Variants in PTGR1 observed in about 807,000 individuals in gnomAD.
PTGR1 encodes prostaglandin reductase 1, also known as 15-oxoprostaglandin 13-reductase.
PTGR1 carries 23 observed loss-of-function variants against 37.7 expected under a neutral mutation model. The ratio of observed to expected loss-of-function variants is 0.61; its 90% CI spans 0.44 to 0.86. The LOEUF is 0.86. Among genes scored for constraint, PTGR1 ranks in the 40% least tolerant of loss-of-function variants. The pLI, the probability that PTGR1 is intolerant of heterozygous loss-of-function variation, is 0.00. For synonymous variants in PTGR1, 134 were observed against 140.0 expected (o/e 0.96, Z 0.30); for missense variants, 351 against 394.3 (o/e 0.89, Z 0.93).
chr9:111,592,986 CAAAAAAAAAAAAAAAAA>C lies in PTGR1; in HGVS notation c.153-21_153-5del, dbSNP rs58142522. ...CTTCAATCTTTTGGCTGCCACTCTGCAAAAAAAAAAAAAAAAAAAAAAAAAAAAAAATAGGTAAATAA... is the reference window on the plus strand; with the variant it reads ...CTTCAATCTTTTGGCTGCCACTCTGCAAAAAAAAAAAAAATAGGTAAATAA... On this transcript the variant is annotated splice_polypyrimidine_tract_variant and splice_region_variant and intron_variant, in intron 3 of 9. Coordinates refer to ENST00000407693, the MANE Select transcript of PTGR1 (RefSeq NM_001146108.2). 121 of 961,060 alleles carry C rather than the reference CAAAAAAAAAAAAAAAAA, an allele frequency of 1.3e-4. No individual in the cohort carries two copies. Among genetic ancestry groups the C allele is most frequent in the South Asian group, 1.4e-4 (6 of 42,580 alleles). The allele number at this position is 961,060 out of a possible 1,614,324, so 59.5% of individuals were successfully genotyped here. A position where few individuals can be genotyped will look rare whatever the true frequency, so the allele number is the denominator to read the frequency against.
At chr9:111,594,493 A>G (rs1368115581) in intron 2 of PTGR1, among the ~76,000 whole-genome samples, 1 of 151,836 alleles carries the variant, frequency 6.6e-6, no homozygotes, top group Non-Finnish European at 1.5e-5. Context: ...TAAAACTAAC[A>G]TAAATGTTGA....
rs919124098 is a variant in PTGR1 at position 111,566,849 on chromosome 9, T to C, written c.879+3242A>G. Among the ~76,000 whole-genome samples the C allele has an allele frequency of 2.0e-5, 3 of 152,068 alleles. No individual in the cohort carries two copies. The South Asian group carries it at 6.2e-4, about 31-fold the overall frequency. ...AATAAGTAAATTATAGTATATATTA[T>C]GTTAAAAGATGATTAATTGCTATGG... On this transcript the variant is annotated intron_variant, in intron 9 of 9. Transcript: ENST00000407693.
At chr9:111,589,690 T>C (rs1413156428) in intron 4 of PTGR1, among the ~76,000 whole-genome samples, 1 of 151,872 alleles carries the variant, frequency 6.6e-6, no homozygotes, top group East Asian at 1.9e-4. Flanking sequence ...AAAGCTGGAG[T>C]GCAATGGCGC....
chr9:111,557,966 G>T (rs762580674), downstream of PTGR1, among the ~76,000 whole-genome samples: 2 of 152,158 alleles, frequency 1.3e-5, no homozygotes, highest in African/African-American at 4.8e-5. Context: ...GGCCAAAATA[G>T]TGAAACTCTG....
At chr9:111,585,909 T>C in intron 5 of PTGR1, 89 bp downstream of exon 5, 3 of 1,469,050 alleles carry the variant, frequency 2.0e-6, no homozygotes, top group Non-Finnish European at 2.8e-6. Context: ...GCATCAAATA[T>C]CTTCCTGTTG....
chr9:111,560,296 C>T (rs1828235493), downstream of PTGR1, among the ~76,000 whole-genome samples: 2 of 151,252 alleles, frequency 1.3e-5, no homozygotes, highest in African/African-American at 4.9e-5. Context: ...CTGGCCAACA[C>T]AGGGCGTCTC....
In PTGR1 at chr9:111,563,154, T is replaced by C. The variant is rs779539678; in HGVS notation, c.957A>G (p.Gly319=). 1 of 1,614,044 alleles carries C rather than the reference T, an allele frequency of 6.2e-7. No homozygotes were observed. The highest frequency in any genetic ancestry group is 8.5e-7 in the Non-Finnish European group (1 of 1,179,964). Residue 319 remains glycine (G), a synonymous_variant, in exon 10 of 10, where the codon GGA becomes GGG. Coordinates refer to ENST00000407693, the MANE Select transcript of PTGR1 (RefSeq NM_001146108.2). ...MPAAFMGMLK[G]DNLGKTIVKA is the part of the protein sequence containing the mutation. ...TCACTATTGTCTTCCCCAAATTATC[T>C]CCTTTCAGCATTCCCATAAATGCAG... is the stretch of plus-strand genomic sequence containing the variant.
At chr9:111,560,944 AATATATATAT>A (rs746101013), downstream of PTGR1, among the ~76,000 whole-genome samples, 177 of 31,154 alleles carry the variant, frequency 5.7e-3, 2 homozygotes, top group East Asian at 0.02. Context: ...CTCCATCTAA[AATATATATAT>A]ATATATATAT....
chr9:111,557,789 C>T (rs181346004), downstream of PTGR1, among the ~76,000 whole-genome samples: 1,207 of 152,280 alleles, frequency 7.9e-3, 7 homozygotes, highest in Non-Finnish European at 0.013. Context: ...TGGTAGGCTT[C>T]TTCACTTTAA....
At chr9:111,587,078 G>C (rs1424202700) in intron 4 of PTGR1, among the ~76,000 whole-genome samples, 1 of 152,044 alleles carries the variant, frequency 6.6e-6, no homozygotes, top group Admixed American at 6.6e-5. Context: ...GCCTCCCAAA[G>C]TGCTAGGATT....
rs150168589 is a variant in PTGR1, at chr9:111,567,736, C to T, written c.879+2355G>A. On this transcript the variant is annotated intron_variant, in intron 9 of 9. Coordinates refer to ENST00000407693, the MANE Select transcript of PTGR1 (RefSeq NM_001146108.2). ...ATTTGATTTGTGCCTTAACAGATCG[C>T]TATGGCCACCACATTGGGAATTGTC... 2.3e-3 allele frequency among the ~76,000 whole-genome samples: 352 copies of T among 152,262 alleles called. 13 individuals carry two copies. In the East Asian group the frequency reaches 0.062, roughly 27 times the overall value.
At chr9:111,571,660 GTT>G (rs1828827718) in intron 8 of PTGR1, among the ~76,000 whole-genome samples, 5 of 82,322 alleles carry the variant, frequency 6.1e-5, no homozygotes, top group Non-Finnish European at 1.6e-4. Flanking sequence ...TTTAGTTTTT[GTT>G]TGTTTGTTTG....
chr9:111,592,100 G>A (rs187805804), intron 4 of PTGR1, among the ~76,000 whole-genome samples: 24 of 152,346 alleles, frequency 1.6e-4, no homozygotes, highest in Non-Finnish European at 2.8e-4. Flanking sequence ...AGATAGGGCT[G>A]TAAATGCCCT....
intron 7 of PTGR1, among the ~76,000 whole-genome samples, chr9:111,576,018 G>A (rs1829037767): frequency 6.6e-6 from 1 of 152,056 alleles, no homozygotes; most frequent in Non-Finnish European, 1.5e-5. Context: ...AAATTAGCTG[G>A]GTATGATGGT....
At chr9:111,593,016 A>AAAAT in intron 3 of PTGR1, 34 bp from the exon 4 acceptor site, 1 of 1,437,066 alleles carries the variant, frequency 7.0e-7, no homozygotes, top group Non-Finnish European at 9.2e-7. Flanking sequence ...AAAAAAAAAA[A>AAAAT]ATAGGTAAAT....
At chr9:111,581,311 T>A (rs987221467) in intron 6 of PTGR1, among the ~76,000 whole-genome samples, 1 of 152,044 alleles carries the variant, frequency 6.6e-6, no homozygotes, top group Non-Finnish European at 1.5e-5. Context: ...CCATTCCTCA[T>A]GAAGAAAACA....
chr9:111,550,351 A>G (rs558740772), intron 9 of PTGR1, among the ~76,000 whole-genome samples: 2 of 152,330 alleles, frequency 1.3e-5, no homozygotes, highest in Admixed American at 6.5e-5. Context: ...TCAGAAGTAG[A>G]TATCTGCAAT....
Position 111,583,457 on chromosome 9 carries a change from G to C in PTGR1, c.495+15C>G. 6.4e-7 allele frequency: 1 copy of C among 1,574,270 alleles called. No individual in the cohort carries two copies. The highest frequency in any genetic ancestry group is 8.7e-7 in the Non-Finnish European group (1 of 1,143,746). On this transcript the variant is annotated intron_variant, in intron 6 of 9. Coordinates refer to ENST00000407693, the MANE Select transcript of PTGR1 (RefSeq NM_001146108.2). ...GGTTTTGAATAAAGGCTTGTTACTG[G>C]AGAAAGGCACTTACCTTGAGCTTTG... is the stretch of plus-strand genomic sequence containing the variant.
intron 2 of PTGR1, among the ~76,000 whole-genome samples, chr9:111,596,926 C>CAAAAAAAAA (rs71494900): frequency 6.6e-5 from 6 of 90,644 alleles, no homozygotes; most frequent in African/African-American, 1.4e-4. Context: ...GACTCTGTCT[C>CAAAAAAAAA]AAAAAAAAAA....
Sources: allele counts gnomAD v4.1 joint callset (sites outside exome capture counted in the v4.1 genomes callset), GRCh38; gene constraint gnomAD v4.1.1; transcripts MANE v1.5; gene names NCBI Gene and HGNC (gene_info 2026-07-23, HGNC 2026-07-21).